The following SEMA3D variants were observed in gnomAD, a reference collection of about 807,000 sequenced individuals.
The protein encoded by SEMA3D is semaphorin 3D.
SEMA3D carries 84 observed loss-of-function variants against 100.1 expected under a neutral mutation model. The observed-to-expected ratio is 0.84, with a 90% CI of 0.70 to 1.01. SEMA3D has a LOEUF of 1.01. SEMA3D is among the 50% of genes least tolerant of loss of function. SEMA3D has a pLI of 0.00. For synonymous variants in SEMA3D, 312 were observed against 320.7 expected, an observed-to-expected ratio of 0.97 and a Z score of 0.29; for missense variants, 875 against 934.1, an observed-to-expected ratio of 0.94 and a Z score of 0.82.
chr7:85,168,807 A>C (rs1056943242), intron 1 of SEMA3D, among the ~76,000 whole-genome samples: 1 of 143,988 alleles, frequency 6.9e-6, no homozygotes, highest in East Asian at 2.0e-4. Flanking sequence ...ACAAAGAAAG[A>C]AAGAAAGAAA....
At chr7:85,072,759 C>T (rs1791810724) in intron 6 of SEMA3D, among the ~76,000 whole-genome samples, 1 of 152,068 alleles carries the variant, frequency 6.6e-6, no homozygotes, top group South Asian at 2.1e-4. Context: ...TCTTACTATG[C>T]TGCTTAGGAT....
chr7:85,033,858 TACACACAC>T (rs71082183), intron 12 of SEMA3D, among the ~76,000 whole-genome samples: 7 of 141,190 alleles, frequency 5.0e-5, no homozygotes, highest in Non-Finnish European at 7.8e-5. Context: ...ATCACACACA[TACACACAC>T]ACACACACAC....
At chr7:85,176,188 A>G (rs764281839) in intron 1 of SEMA3D, among the ~76,000 whole-genome samples, 2 of 152,162 alleles carry the variant, frequency 1.3e-5, no homozygotes, top group Non-Finnish European at 2.9e-5. Context: ...TCATCCCTCT[A>G]TTGGATTGAG....
At chr7:85,236,186 T>C in the SEMA3D span, among the ~76,000 whole-genome samples, 102 of 152,182 alleles carry the variant, frequency 6.7e-4, no homozygotes, top group Non-Finnish European at 1.2e-3. Context: ...CTAGTGACAC[T>C]ACCTGCAACC....
intron 10 of SEMA3D, chr7:85,040,966 T>C: frequency 3.3e-6 from 1 of 305,010 alleles, no homozygotes. Flanking sequence ...GGAAATCTGA[T>C]TTCATAGAAA....
intron 2 of SEMA3D, among the ~76,000 whole-genome samples, chr7:85,134,442 T>C (rs2116443222): frequency 6.6e-6 from 1 of 152,104 alleles, no homozygotes. Flanking sequence ...CTTCTGTACT[T>C]TTTTAGAGTA....
At chr7:85,162,612 G>T (rs1364282332) in intron 1 of SEMA3D, among the ~76,000 whole-genome samples, 1 of 152,066 alleles carries the variant, frequency 6.6e-6, no homozygotes, top group Admixed American at 6.6e-5. Flanking sequence ...AGAACAAAAG[G>T]ACACTCTAAA....
At chr7:85,058,083 GA>G (rs1412176700) in intron 8 of SEMA3D, among the ~76,000 whole-genome samples, 11 of 152,166 alleles carry the variant, frequency 7.2e-5, no homozygotes, top group Non-Finnish European at 1.5e-4. Flanking sequence ...AGAAAGGAGG[GA>G]AATACATTCA....
the SEMA3D span, among the ~76,000 whole-genome samples, chr7:85,209,455 T>C: frequency 6.6e-6 from 1 of 151,908 alleles, no homozygotes; most frequent in East Asian, 1.9e-4. Context: ...TCTGAAGGGA[T>C]GATGGGGAGG....
At chr7:85,086,113 A>C (rs559655418) in intron 4 of SEMA3D, among the ~76,000 whole-genome samples, 1 of 152,312 alleles carries the variant, frequency 6.6e-6, no homozygotes, top group South Asian at 2.1e-4. Flanking sequence ...GAAATTATAC[A>C]TTGGCTTATT....
chr7:85,087,188 A>C (rs1336475970), intron 4 of SEMA3D, among the ~76,000 whole-genome samples: 4 of 152,248 alleles, frequency 2.6e-5, no homozygotes, highest in Non-Finnish European at 4.4e-5. Context: ...AGTCATCCAC[A>C]GATATTTTTC....
the SEMA3D span, among the ~76,000 whole-genome samples, chr7:85,245,704 T>G: frequency 6.6e-6 from 1 of 151,978 alleles, no homozygotes; most frequent in Non-Finnish European, 1.5e-5. Flanking sequence ...CACATAGCAT[T>G]TTTTTTCTTT....
intron 2 of SEMA3D, among the ~76,000 whole-genome samples, chr7:85,125,595 A>G (rs1165134530): frequency 6.6e-6 from 1 of 152,116 alleles, no homozygotes; most frequent in Non-Finnish European, 1.5e-5. Flanking sequence ...AAACTGCTGG[A>G]ACTTAAAAGC....
chr7:85,172,510 C>T (rs796993584), intron 1 of SEMA3D, among the ~76,000 whole-genome samples: 1 of 151,818 alleles, frequency 6.6e-6, no homozygotes, highest in South Asian at 2.1e-4. Flanking sequence ...TGAGGAATGA[C>T]CAAGCAGATA....
At chr7:85,195,562 C>T in the SEMA3D span, among the ~76,000 whole-genome samples, 1 of 152,224 alleles carries the variant, frequency 6.6e-6, no homozygotes, top group East Asian at 1.9e-4. Flanking sequence ...AAGCACTCTT[C>T]TCACCTCAGT....
intron 5 of SEMA3D, among the ~76,000 whole-genome samples, chr7:85,079,237 T>C (rs1370001285): frequency 1.3e-5 from 2 of 152,190 alleles, no homozygotes; most frequent in Non-Finnish European, 2.9e-5. Flanking sequence ...ATGTAAATCA[T>C]TGAAAACAGT....
chr7:85,175,450 C>G (rs75278283), intron 1 of SEMA3D, among the ~76,000 whole-genome samples: 1 of 152,064 alleles, frequency 6.6e-6, no homozygotes, highest in Non-Finnish European at 1.5e-5. Flanking sequence ...TTTGAAAACC[C>G]GAACAATGAA....
chr7:85,129,894 T>G (rs1015674655), intron 2 of SEMA3D, among the ~76,000 whole-genome samples: 4 of 152,122 alleles, frequency 2.6e-5, no homozygotes, highest in African/African-American at 9.7e-5. Flanking sequence ...AGTTTCATAT[T>G]CACATAAATT....
chr7:84,997,460 C>G lies in SEMA3D; in HGVS notation c.*1980G>C, dbSNP rs1412042297. ...CATGCCACACTGTTCTTCTGAATTA[C>G]TTTTTAAATGAGTGATTTGTTCTGG... On this transcript the variant is annotated 3_prime_UTR_variant, in exon 19 of 19. Transcript: ENST00000284136. The G allele has an allele frequency of 6.6e-6, 1 of 152,050 alleles. No individual in the cohort carries two copies. Among genetic ancestry groups the G allele is most frequent in the Non-Finnish European group, 1.5e-5 (1 of 67,958 alleles). 9.4% of individuals were successfully genotyped at this position (152,050 alleles called of 1,614,324 possible). A position where few individuals can be genotyped will look rare whatever the true frequency, so the allele number is the denominator to read the frequency against.
Sources: gnomAD v4.1 joint callset for allele counts (sites outside exome capture counted in the v4.1 genomes callset) on GRCh38, gnomAD v4.1.1 for gene constraint, MANE v1.5 for transcripts, NCBI Gene and HGNC (gene_info 2026-07-23, HGNC 2026-07-21) for gene names.